The following PAK5 variants were observed in gnomAD, a reference collection of about 807,000 sequenced individuals.
PAK5 encodes p21 (RAC1) activated kinase 5, also known as serine/threonine-protein kinase PAK 5.
PAK5 carries 16 observed loss-of-function variants against 65.9 expected under a neutral mutation model. The observed-to-expected ratio is 0.24, with a 90% CI of 0.16 to 0.37. PAK5 has a LOEUF of 0.37. Among genes scored for constraint, PAK5 ranks in the 10% least tolerant of loss-of-function variants. The pLI is 1.00. For synonymous variants in PAK5, 371 were observed against 354.9 expected (o/e 1.05, Z -0.51); for missense variants, 785 against 903.9 (o/e 0.87, Z 1.69).
At chr20:9,617,549 C>CTTTTTTT (rs532259417) in intron 3 of PAK5, among the ~76,000 whole-genome samples, 10 of 94,604 alleles carry the variant, frequency 1.1e-4, no homozygotes, top group South Asian at 4.8e-4. Flanking sequence ...AATCCCAATC[C>CTTTTTTT]TTTTTTTTTT....
rs184613227 is a variant in PAK5, at chr20:9,758,523, T to C, written c.-161-47088A>G. ...ACCTGGAAGGGAGTACTTTGCATAG[T>C]GGTATGCTGAAGCCAGCTCGCATAG... is the stretch of plus-strand genomic sequence containing the variant. On this transcript the variant is annotated intron_variant, in intron 1 of 9. Coordinates refer to ENST00000353224, the MANE Select transcript of PAK5 (RefSeq NM_177990.4). 2.7e-4 allele frequency among the ~76,000 whole-genome samples: 41 copies of C among 152,252 alleles called. No homozygotes were observed. The East Asian group carries it at 7.8e-3, about 29-fold the overall frequency.
intron 1 of PAK5, among the ~76,000 whole-genome samples, chr20:9,826,883 C>T (rs1230313441): frequency 6.6e-6 from 1 of 152,166 alleles, no homozygotes; most frequent in Non-Finnish European, 1.5e-5. Flanking sequence ...AGGTGTTAAG[C>T]TGCATCTAGC....
chr20:9,716,671 A>T (rs1210981490), intron 1 of PAK5, among the ~76,000 whole-genome samples: 2 of 152,196 alleles, frequency 1.3e-5, no homozygotes, highest in Non-Finnish European at 2.9e-5. Flanking sequence ...TTACTTTAAG[A>T]CATTCTCAAA....
chr20:9,796,706 G>T (rs2049109075), intron 1 of PAK5, among the ~76,000 whole-genome samples: 1 of 152,094 alleles, frequency 6.6e-6, no homozygotes, highest in Non-Finnish European at 1.5e-5. Context: ...CAGTGGTGGG[G>T]CTTGGTCTAG....
chr20:9,656,433 G>A (rs1379019847), intron 2 of PAK5, among the ~76,000 whole-genome samples: 1 of 152,118 alleles, frequency 6.6e-6, no homozygotes, highest in African/African-American at 2.4e-5. Context: ...CTTTTCAGGG[G>A]CAGAGTGGAA....
intron 1 of PAK5, among the ~76,000 whole-genome samples, chr20:9,798,870 AC>A (rs1188755441): frequency 6.6e-6 from 1 of 152,088 alleles, no homozygotes; most frequent in Non-Finnish European, 1.5e-5. Context: ...CTTGGGCCCC[AC>A]CCCAGATCTA....
intron 1 of PAK5, among the ~76,000 whole-genome samples, chr20:9,824,085 G>T (rs1395959720): frequency 6.6e-6 from 1 of 152,078 alleles, no homozygotes; most frequent in South Asian, 2.1e-4. Context: ...CTTGATTACT[G>T]CTCAATCATT....
At chr20:9,610,915 C>T (rs923044978) in intron 3 of PAK5, among the ~76,000 whole-genome samples, 3 of 152,188 alleles carry the variant, frequency 2.0e-5, no homozygotes, top group Non-Finnish European at 4.4e-5. Context: ...TCTTCTGCCA[C>T]GAGAGGACAT....
intron 2 of PAK5, among the ~76,000 whole-genome samples, chr20:9,701,855 T>G (rs954776027): frequency 2.6e-5 from 4 of 151,762 alleles, no homozygotes; most frequent in Admixed American, 1.3e-4. Context: ...AAAAAATTAG[T>G]CAGGTGTGGT....
intron 2 of PAK5, among the ~76,000 whole-genome samples, chr20:9,656,303 A>T (rs1371126253): frequency 6.6e-6 from 1 of 151,992 alleles, no homozygotes; most frequent in Non-Finnish European, 1.5e-5. Context: ...CCCTTGATAG[A>T]GACAATTCAT....
intron 2 of PAK5, among the ~76,000 whole-genome samples, chr20:9,695,940 C>T (rs2047863223): frequency 6.6e-6 from 1 of 151,958 alleles, no homozygotes; most frequent in Non-Finnish European, 1.5e-5. Flanking sequence ...TACATGTTAA[C>T]TTTAAATTTC....
chr20:9,729,997 G>GAAA lies in PAK5; in HGVS notation c.-161-18565_-161-18563dup, dbSNP rs760289697. On this transcript the variant is annotated intron_variant, in intron 1 of 9. Transcript: ENST00000353224. ...ACTGCACTCAAGCCTGGGCAACAGG[G>GAAA]AAAAAAAAAAAAAAAAAGAGAGAGA... 3.6e-3 allele frequency among the ~76,000 whole-genome samples: 295 copies of GAAA among 82,182 alleles called. 4 individuals carry two copies. Among genetic ancestry groups the GAAA allele is most frequent in the Non-Finnish European group, 5.4e-3 (244 of 44,792 alleles). 53.9% of individuals were successfully genotyped at this position (82,182 alleles called of 152,430 possible).
At chr20:9,692,865 C>T (rs1329740027) in intron 2 of PAK5, among the ~76,000 whole-genome samples, 4 of 151,940 alleles carry the variant, frequency 2.6e-5, no homozygotes, top group African/African-American at 9.7e-5. Flanking sequence ...TCTCCAGTTT[C>T]TTCATTAAAA....
At chr20:9,836,950 A>C (rs966054459) in intron 1 of PAK5, among the ~76,000 whole-genome samples, 1 of 152,254 alleles carries the variant, frequency 6.6e-6, no homozygotes, top group Admixed American at 6.5e-5. Flanking sequence ...GTCAGAGTTC[A>C]AACACCTGCC....
intron 1 of PAK5, among the ~76,000 whole-genome samples, chr20:9,760,673 C>CTTTTTTTTTTTTTTTTTTTTT (rs5840332): frequency 8.1e-6 from 1 of 122,832 alleles, no homozygotes; most frequent in African/African-American, 3.1e-5. Context: ...CTTTTCTTTT[C>CTTTTTTTTTTTTTTTTTTTTT]TTTTTTTTTT....
chr20:9,711,048 T>C (rs1022996184), intron 2 of PAK5, among the ~76,000 whole-genome samples: 1 of 152,200 alleles, frequency 6.6e-6, no homozygotes, highest in Non-Finnish European at 1.5e-5. Flanking sequence ...ATAAACATTA[T>C]CAATGGTTGT....
At chr20:9,727,911 C>T (rs865877076) in intron 1 of PAK5, among the ~76,000 whole-genome samples, 4 of 152,038 alleles carry the variant, frequency 2.6e-5, no homozygotes, top group Non-Finnish European at 5.9e-5. Context: ...AGTTTCCCTG[C>T]CCCAGCCATG....
At chr20:9,606,012 AT>A (rs2046447709) in intron 3 of PAK5, among the ~76,000 whole-genome samples, 1 of 152,144 alleles carries the variant, frequency 6.6e-6, no homozygotes, top group Admixed American at 6.5e-5. Context: ...AAATTTCTGG[AT>A]GCTTAGTAGG....
At chr20:9,825,952 C>G (rs760098779) in intron 1 of PAK5, among the ~76,000 whole-genome samples, 41 of 152,100 alleles carry the variant, frequency 2.7e-4, no homozygotes, top group Non-Finnish European at 5.3e-4. Flanking sequence ...GTTATACATT[C>G]AAGACTTTAA....
Sources: gnomAD v4.1 joint callset for allele counts (sites outside exome capture counted in the v4.1 genomes callset) on GRCh38, gnomAD v4.1.1 for gene constraint, MANE v1.5 for transcripts, NCBI Gene and HGNC (gene_info 2026-07-23, HGNC 2026-07-21) for gene names.